EHF: variants seen among roughly 807,000 people sequenced by gnomAD.
EHF encodes the protein ESE3 transcription factor.
EHF carries 14 observed loss-of-function variants against 45.1 expected under a neutral mutation model. The ratio of observed to expected loss-of-function variants is 0.31; its 90% confidence interval spans 0.21 to 0.49. The LOEUF is 0.49. Among genes scored for constraint, EHF ranks in the 20% least tolerant of loss-of-function variants. The pLI, the probability that EHF is intolerant of heterozygous loss-of-function variation, is 0.99. For synonymous variants in EHF, 136 were observed against 131.8 expected (o/e 1.03, Z -0.22); for missense variants, 282 against 371.4 (o/e 0.76, Z 1.98).
intron 1 of EHF, chr11:34,631,668 T>A: frequency 1.4e-6 from 1 of 699,092 alleles, no homozygotes; most frequent in South Asian, 6.3e-5. Flanking sequence ...GGGAAAACTG[T>A]GGTCCGGGAA....
intron 1 of EHF, among the ~76,000 whole-genome samples, chr11:34,621,631 C>T (rs961449598): frequency 7.9e-5 from 12 of 152,136 alleles, no homozygotes; most frequent in African/African-American, 2.2e-4. Flanking sequence ...TCAGAGTACA[C>T]GGTCTCGCTT....
intron 1 of EHF, among the ~76,000 whole-genome samples, chr11:34,623,330 C>T (rs1425371474): frequency 2.2e-4 from 33 of 152,150 alleles, no homozygotes; most frequent in Admixed American, 2.2e-3. Context: ...AGGTGATCCA[C>T]CTGCCTCAGC....
intron 6 of EHF, among the ~76,000 whole-genome samples, chr11:34,655,716 A>C (rs2134217657): frequency 1.3e-5 from 2 of 152,356 alleles, no homozygotes; most frequent in East Asian, 1.9e-4. Flanking sequence ...CCTGGTACAT[A>C]GTAAGTGCTC....
Position 34,651,896 on chromosome 11 carries a change from G to C in EHF, c.544+91G>C, listed in dbSNP as rs191141466. ...AACACTCTACATTTCTGCCTTTCTG[G>C]AGTCTTTCTAATTAAAGGGCTAGGA... is the stretch of plus-strand genomic sequence containing the variant. On this transcript the variant is annotated intron_variant, in intron 6 of 8. Coordinates refer to ENST00000257831, the MANE Select transcript of EHF (RefSeq NM_012153.6). 4 of 1,281,692 alleles carry C rather than the reference G, an allele frequency of 3.1e-6. No individual in the cohort carries two copies. The Admixed American group carries it at 8.6e-5, about 28-fold the overall frequency. The allele number at this position is 1,281,692 out of a possible 1,614,324, so 79.4% of individuals were successfully genotyped here. A position where few individuals can be genotyped will look rare whatever the true frequency, so the allele number is the denominator to read the frequency against.
chr11:34,630,125 C>T (rs745597479), intron 1 of EHF, among the ~76,000 whole-genome samples: 7 of 152,138 alleles, frequency 4.6e-5, no homozygotes, highest in South Asian at 2.1e-4. Flanking sequence ...TTGTGGGAAT[C>T]GTGCTTAAAG....
At position 34,642,686 on chromosome 11, in the gene EHF, AC is replaced by A; in HGVS notation, c.58del (p.Gln20SerfsTer69). ...CTCAACCCCGGCAACAACCTCCTTCACCAGCCGCCAGCCTGGACAGACAGCT... is the reference window on the plus strand; with the variant it reads ...CTCAACCCCGGCAACAACCTCCTTCACAGCCGCCAGCCTGGACAGACAGCT... ...MNLNPGNNLL[H>X]QPPAWTDSYS... On this transcript the variant is annotated frameshift_variant, in exon 2 of 9. Transcript: ENST00000257831. LOFTEE classifies it high-confidence loss of function. 1 of 1,614,026 alleles carries A rather than the reference AC, an allele frequency of 6.2e-7. No individual in the cohort carries two copies. Among genetic ancestry groups the A allele is most frequent in the Non-Finnish European group, 8.5e-7 (1 of 1,179,956 alleles).
intron 1 of EHF, among the ~76,000 whole-genome samples, chr11:34,634,793 G>A (rs1030699407): frequency 6.6e-6 from 1 of 152,124 alleles, no homozygotes; most frequent in Non-Finnish European, 1.5e-5. Context: ...CTTGATAAAG[G>A]TGTAAGGCAG....
chr11:34,651,703 G>A (rs367648585), intron 5 of EHF, 34 bp from the exon 6 acceptor site: 128 of 1,612,244 alleles, frequency 7.9e-5, no homozygotes, highest in Non-Finnish European at 1.0e-4. Flanking sequence ...GGGAGGGGGT[G>A]CTCTAAATGT....
chr11:34,662,478 G>A lies in EHF; in HGVS notation c.*3547G>A, dbSNP rs1432678384. Reference sequence around the variant, plus strand: ...GAAGCCAGTAATAAACCTTTGACCTGTTTTAACCAATGAAGATTATGAATA... The same window carrying A: ...GAAGCCAGTAATAAACCTTTGACCTATTTTAACCAATGAAGATTATGAATA... On this transcript the variant is annotated 3_prime_UTR_variant, in exon 9 of 9. Coordinates refer to ENST00000257831, the MANE Select transcript of EHF (RefSeq NM_012153.6). 2.0e-5 allele frequency among the ~76,000 whole-genome samples: 3 copies of A among 151,994 alleles called. No individual in the cohort carries two copies. Among genetic ancestry groups the A allele is most frequent in the Non-Finnish European group, 4.4e-5 (3 of 67,988 alleles).
intron 3 of EHF, among the ~76,000 whole-genome samples, chr11:34,647,458 A>T (rs541448292): frequency 3.3e-5 from 5 of 152,222 alleles, no homozygotes; most frequent in Non-Finnish European, 7.3e-5. Context: ...AGGGTGGACA[A>T]CTGACCTTGC....
In EHF at chr11:34,644,292, G is replaced by A. The variant is rs563820181; in HGVS notation, c.97+1565G>A. Among the ~76,000 whole-genome samples, 3 of 152,316 alleles carry A rather than the reference G, an allele frequency of 2.0e-5. No homozygotes were observed. In the South Asian group the frequency reaches 6.2e-4, roughly 32 times the overall value. On this transcript the variant is annotated intron_variant, in intron 2 of 8. Transcript: ENST00000257831. ...TTATTTTAGAAAAAGAAAGATGAAA[G>A]ACTTGGGGAGCCACAAAATATATAT...
chr11:34,632,540 C>T, intron 1 of EHF: 2 of 1,535,502 alleles, frequency 1.3e-6, no homozygotes, highest in Non-Finnish European at 1.7e-6. Flanking sequence ...AAGCATTATC[C>T]TCTCTGCCAA....
chr11:34,651,518 AT>A (rs1565042917), intron 4 of EHF, 23 bp from the exon 5 acceptor site: 2 of 1,597,896 alleles, frequency 1.3e-6, no homozygotes, highest in Non-Finnish European at 1.7e-6. Context: ...ATCGCTGACT[AT>A]TCTCCTTCTC....
Position 34,630,391 on chromosome 11 carries a change from A to G in EHF, c.-4+9163A>G, listed in dbSNP as rs142236227. Among the ~76,000 whole-genome samples the G allele has an allele frequency of 2.6e-3, 397 of 152,318 alleles. 3 individuals carry two copies. The highest frequency in any genetic ancestry group is 3.4e-3 in the Middle Eastern group (1 of 294). Reference sequence around the variant, plus strand: ...GTTATTGTGAGGATTAAATGAGGTAATTCATGTAATGACTAGTTCTATTTC... The same window carrying G: ...GTTATTGTGAGGATTAAATGAGGTAGTTCATGTAATGACTAGTTCTATTTC... On this transcript the variant is annotated intron_variant, in intron 1 of 8. Coordinates refer to ENST00000257831, the MANE Select transcript of EHF (RefSeq NM_012153.6).
Position 34,662,277 on chromosome 11 carries a change from G to A in EHF, c.*3346G>A, listed in dbSNP as rs371611578. Among the ~76,000 whole-genome samples, 1 of 152,028 alleles carries A rather than the reference G, an allele frequency of 6.6e-6. No individual in the cohort carries two copies. Among genetic ancestry groups the A allele is most frequent in the East Asian group, 1.9e-4 (1 of 5,188 alleles). ...TTCTTCAGTGGAATAAGAGCACAAC[G>A]GCACAACCTTCAAGGACATATTATC... is the stretch of plus-strand genomic sequence containing the variant. On this transcript the variant is annotated 3_prime_UTR_variant, in exon 9 of 9. Coordinates refer to ENST00000257831, the MANE Select transcript of EHF (RefSeq NM_012153.6).
intron 3 of EHF, among the ~76,000 whole-genome samples, chr11:34,647,095 A>AC (rs1565039092): frequency 7.2e-6 from 1 of 138,978 alleles, no homozygotes; most frequent in Non-Finnish European, 1.5e-5. Flanking sequence ...CCCCCCCCAC[A>AC]CACACACACA....
intron 1 of EHF, among the ~76,000 whole-genome samples, chr11:34,627,559 A>G (rs1852489020): frequency 6.6e-6 from 1 of 152,040 alleles, no homozygotes; most frequent in Admixed American, 6.6e-5. Flanking sequence ...AATTCTACTT[A>G]CTTCTTTTGC....
intron 4 of EHF, among the ~76,000 whole-genome samples, chr11:34,650,662 T>C (rs533969094): frequency 6.6e-6 from 1 of 152,252 alleles, no homozygotes; most frequent in African/African-American, 2.4e-5. Context: ...TGAGAGATCT[T>C]ACAGCTTTTG....
At chr11:34,622,055 CA>C in intron 1 of EHF, 1 of 159,120 alleles carries the variant, frequency 6.3e-6, no homozygotes, top group Non-Finnish European at 1.4e-5. Flanking sequence ...AGTTGTGACT[CA>C]GCAGCAACAA....
Sources: allele counts gnomAD v4.1 joint callset (sites outside exome capture counted in the v4.1 genomes callset), GRCh38; gene constraint gnomAD v4.1.1; transcripts MANE v1.5; gene names NCBI Gene and HGNC (gene_info 2026-07-23, HGNC 2026-07-21).